JAK1: variants seen among roughly 807,000 people sequenced by gnomAD.
JAK1 encodes the protein tyrosine-protein kinase JAK1.
A neutral mutation model predicts 136.6 loss-of-function variants in JAK1; 16 were observed. That is an observed-to-expected ratio of 0.12 (90% CI 0.08 to 0.18). The LOEUF is 0.18. JAK1 is among the 10% of genes least tolerant of loss of function. The pLI is 1.00. For synonymous variants in JAK1, 492 were observed against 519.5 expected (o/e 0.95, Z 0.72); for missense variants, 859 against 1,450.1 (o/e 0.59, Z 6.62).
chr1:65,054,232 AT>A (rs1647422634), intron 1 of JAK1, among the ~76,000 whole-genome samples: 1 of 152,136 alleles, frequency 6.6e-6, no homozygotes, highest in Non-Finnish European at 1.5e-5. Flanking sequence ...TAGGAAAACT[AT>A]TCGTGACAGA....
chr1:65,047,195 G>A lies in JAK1; in HGVS notation c.-180-2613C>T, dbSNP rs555029134. Among the ~76,000 whole-genome samples the A allele has an allele frequency of 9.9e-5, 15 of 151,846 alleles. No homozygotes were observed. The East Asian group carries it at 2.7e-3, about 28-fold the overall frequency. ...ACCCTGTCTCCAAAAAATTTTTTTTGTTTCATTCTAACCATACAGTGGGGG... is the reference window on the plus strand; with the variant it reads ...ACCCTGTCTCCAAAAAATTTTTTTTATTTCATTCTAACCATACAGTGGGGG... On this transcript the variant is annotated intron_variant, in intron 1 of 25. Transcript: ENST00000671954.
At chr1:64,992,952 T>C (rs560728813) in intron 2 of JAK1, 1 of 151,410 alleles carries the variant, frequency 6.6e-6, no homozygotes, top group Admixed American at 6.6e-5. Context: ...TATCCTCTAA[T>C]GTCCCCTGTA....
chr1:65,027,013 T>C (rs2100805334), intron 2 of JAK1, among the ~76,000 whole-genome samples: 1 of 152,176 alleles, frequency 6.6e-6, no homozygotes, highest in Non-Finnish European at 1.5e-5. Context: ...CTATTTGAGA[T>C]GGCCTGGGTA....
chr1:64,955,194 G>A (rs957902229), intron 1 of JAK1, among the ~76,000 whole-genome samples: 3 of 152,168 alleles, frequency 2.0e-5, no homozygotes, highest in Non-Finnish European at 2.9e-5. Flanking sequence ...GTGACATTAC[G>A]AAGAAAGAGA....
intron 1 of JAK1, among the ~76,000 whole-genome samples, chr1:64,900,296 A>C (rs1278776425): frequency 1.3e-5 from 2 of 152,188 alleles, no homozygotes. Context: ...TCTAGCATGG[A>C]ATTATTCCAA....
intron 11 of JAK1, among the ~76,000 whole-genome samples, chr1:64,851,647 C>G (rs17127090): frequency 0.15 from 22,896 of 152,126 alleles, 1,829 homozygotes; most frequent in East Asian, 0.32. Flanking sequence ...ATCCTCGAGG[C>G]CAGGAAATCT....
At chr1:65,034,332 G>A (rs770112004) in intron 2 of JAK1, among the ~76,000 whole-genome samples, 43 of 152,200 alleles carry the variant, frequency 2.8e-4, no homozygotes, top group Middle Eastern at 3.2e-3. Context: ...GAAGAGCAAG[G>A]AGAATTCATA....
At chr1:65,023,013 G>A (rs1205774532) in intron 2 of JAK1, 1 of 151,964 alleles carries the variant, frequency 6.6e-6, no homozygotes, top group Admixed American at 6.6e-5. Flanking sequence ...CCTTACACAG[G>A]GGCCATGCTA....
At chr1:64,981,698 C>T (rs536954503) in intron 2 of JAK1, among the ~76,000 whole-genome samples, 2 of 152,204 alleles carry the variant, frequency 1.3e-5, no homozygotes, top group East Asian at 1.9e-4. Flanking sequence ...ATTTAAGTAC[C>T]CTTACCTCCC....
At chr1:65,016,308 A>T (rs1646891628) in intron 2 of JAK1, among the ~76,000 whole-genome samples, 1 of 152,178 alleles carries the variant, frequency 6.6e-6, no homozygotes, top group Non-Finnish European at 1.5e-5. Flanking sequence ...AAGTAATGCC[A>T]CTAAATTGTA....
chr1:64,883,946 C>G (rs1644814776), intron 2 of JAK1, among the ~76,000 whole-genome samples: 1 of 152,130 alleles, frequency 6.6e-6, no homozygotes, highest in African/African-American at 2.4e-5. Context: ...ATGTCCATCT[C>G]CCACTAAAAA....
At position 65,060,933 on chromosome 1, in the gene JAK1, C is replaced by A. The variant is rs144852773; in HGVS notation, c.-181+6671G>T. ...CTCATGCTACAGTAAGAAAAAATAA[C>A]TGCATACTAAGGAAGAGAGAAAACA... is the stretch of plus-strand genomic sequence containing the variant. On this transcript the variant is annotated intron_variant, in intron 1 of 25. Transcript: ENST00000671954. Among the ~76,000 whole-genome samples the A allele has an allele frequency of 1.8e-3, 274 of 152,210 alleles. 2 individuals carry two copies. Among genetic ancestry groups the A allele is most frequent in the African/African-American group, 5.8e-3 (240 of 41,542 alleles).
intron 5 of JAK1, among the ~76,000 whole-genome samples, chr1:64,870,387 C>T (rs536915843): frequency 2.0e-5 from 3 of 152,264 alleles, no homozygotes; most frequent in South Asian, 4.2e-4. Flanking sequence ...AACTAAACCA[C>T]GTTCCTGATC....
intron 2 of JAK1, among the ~76,000 whole-genome samples, chr1:64,996,743 C>T (rs957564309): frequency 2.0e-5 from 3 of 152,196 alleles, no homozygotes; most frequent in Admixed American, 1.3e-4. Context: ...GCTGAATTCA[C>T]ATAAAAATCA....
At chr1:65,010,661 A>G (rs1053158125) in intron 2 of JAK1, among the ~76,000 whole-genome samples, 2 of 152,204 alleles carry the variant, frequency 1.3e-5, no homozygotes, top group African/African-American at 4.8e-5. Context: ...ATGGCAATAG[A>G]TAACTAATAC....
At chr1:64,938,802 T>C (rs1645836357) in intron 1 of JAK1, among the ~76,000 whole-genome samples, 1 of 152,202 alleles carries the variant, frequency 6.6e-6, no homozygotes, top group Non-Finnish European at 1.5e-5. Context: ...CATAAGGATA[T>C]GATGTGGGTA....
chr1:64,986,921 C>T (rs1646605556), intron 2 of JAK1, among the ~76,000 whole-genome samples: 1 of 152,096 alleles, frequency 6.6e-6, no homozygotes, highest in South Asian at 2.1e-4. Flanking sequence ...AGTACAGTAT[C>T]TGGCATATTG....
intron 1 of JAK1, among the ~76,000 whole-genome samples, chr1:64,904,523 C>CA (rs914394701): frequency 1.3e-5 from 2 of 152,086 alleles, no homozygotes; most frequent in Non-Finnish European, 2.9e-5. Flanking sequence ...CTCCAACTCC[C>CA]AAAAAAATCA....
chr1:64,986,010 G>A (rs1170943064), intron 2 of JAK1: 4 of 1,348,258 alleles, frequency 3.0e-6, no homozygotes, highest in Non-Finnish European at 3.1e-6. Flanking sequence ...GATGACCCCA[G>A]TGTTGTAGCC....
Sources: allele counts gnomAD v4.1 joint callset (sites outside exome capture counted in the v4.1 genomes callset), GRCh38; gene constraint gnomAD v4.1.1; transcripts MANE v1.5; gene names NCBI Gene and HGNC (gene_info 2026-07-23, HGNC 2026-07-21).